Variants in BTG4 observed in about 807,000 individuals in gnomAD.
BTG4 encodes protein BTG4.
A neutral mutation model predicts 19.3 loss-of-function variants in BTG4; 10 were observed. That is an observed-to-expected ratio of 0.52 (90% CI 0.32 to 0.88). The LOEUF (loss-of-function observed/expected upper bound fraction) is 0.88. Among genes scored for constraint, BTG4 ranks in the 40% least tolerant of loss-of-function variants. The probability of loss-of-function intolerance (pLI) is 0.04; values close to 1 mark genes in which losing one functional copy is unlikely to be tolerated. For missense variants in BTG4, 238 were observed against 281.9 expected, an observed-to-expected ratio of 0.84 and a Z score of 1.11; for synonymous variants, 91 against 95.7, an observed-to-expected ratio of 0.95 and a Z score of 0.29.
the BTG4 span, chr11:111,457,524 C>T: frequency 0.043 from 6,643 of 152,748 alleles, 202 homozygotes; most frequent in Middle Eastern, 0.12. Flanking sequence ...ACTCCACCCA[C>T]GACCCTCTTT....
At chr11:111,486,348 T>C (rs982974479) in intron 5 of BTG4, among the ~76,000 whole-genome samples, 1 of 152,054 alleles carries the variant, frequency 6.6e-6, no homozygotes. Context: ...GGCAGGAGGA[T>C]TGCTTGAGCC....
At chr11:111,488,648 G>T (rs1204508414) in intron 5 of BTG4, among the ~76,000 whole-genome samples, 3 of 136,112 alleles carry the variant, frequency 2.2e-5, no homozygotes, top group African/African-American at 8.3e-5. Flanking sequence ...AATCAACAAA[G>T]TGAAGAGACA....
chr11:111,453,727 GTGGTAC>G, the BTG4 span: 1 of 358,546 alleles, frequency 2.8e-6, no homozygotes, highest in South Asian at 2.1e-5. Flanking sequence ...TCTTTTCTGA[GTGGTAC>G]TGTATGTCAT....
the BTG4 span, among the ~76,000 whole-genome samples, chr11:111,424,819 G>C: frequency 6.6e-6 from 1 of 152,144 alleles, no homozygotes; most frequent in Non-Finnish European, 1.5e-5. Context: ...TTAGCCAGGC[G>C]TGGTGGCAGG....
chr11:111,469,143 G>C lies in BTG4; in HGVS notation c.663-1462C>G, dbSNP rs188357427. ...ATAAACCCTGAGAAAGAAACGGGCG[G>C]TGGGAATGTTCCCAGGGGCGGACAT... On this transcript the variant is annotated intron_variant, in intron 5 of 5. Transcript: ENST00000356018. 3.3e-5 allele frequency: 5 copies of C among 152,368 alleles called. No homozygotes were observed. The East Asian group carries it at 9.6e-4, about 29-fold the overall frequency. The allele number at this position is 152,368 out of a possible 1,614,324, so 9.4% of individuals were successfully genotyped here.
the BTG4 span, among the ~76,000 whole-genome samples, chr11:111,447,682 A>G: frequency 1.3e-5 from 2 of 152,210 alleles, no homozygotes; most frequent in African/African-American, 4.8e-5. Flanking sequence ...CCGGAGAGGA[A>G]GGTTCCCGGA....
chr11:111,458,326 G>C, the BTG4 span: 80 of 152,510 alleles, frequency 5.2e-4, no homozygotes, highest in African/African-American at 1.9e-3. Context: ...CAGGGACAGG[G>C]CTGCAGCCCT....
Position 111,489,378 on chromosome 11 carries a change from T to C in BTG4, c.662+5785A>G, listed in dbSNP as rs532309509. 5.3e-5 allele frequency among the ~76,000 whole-genome samples: 8 copies of C among 152,232 alleles called. No homozygotes were observed. The East Asian group carries it at 1.5e-3, about 29-fold the overall frequency. On this transcript the variant is annotated intron_variant, in intron 5 of 5. Transcript: ENST00000356018. ...CCACTATGGAGAACAGTATGGAGGTTCCTCAAAAAACTACAAATAGAACTA... is the reference window on the plus strand; with the variant it reads ...CCACTATGGAGAACAGTATGGAGGTCCCTCAAAAAACTACAAATAGAACTA...
At chr11:111,427,730 G>C in the BTG4 span, among the ~76,000 whole-genome samples, 2 of 152,144 alleles carry the variant, frequency 1.3e-5, no homozygotes, top group Non-Finnish European at 2.9e-5. Context: ...CAAAACCAAT[G>C]CCACCCAGAA....
At chr11:111,497,934 T>C (rs1865836701) in intron 3 of BTG4, 64 bp downstream of exon 3, 1 of 1,555,012 alleles carries the variant, frequency 6.4e-7, no homozygotes, top group African/African-American at 1.4e-5. Flanking sequence ...CATGAAGGTA[T>C]GTAAAGTTGT....
upstream of BTG4, among the ~76,000 whole-genome samples, chr11:111,513,235 C>T (rs1048722948): frequency 2.0e-5 from 3 of 152,210 alleles, no homozygotes; most frequent in African/African-American, 7.2e-5. Flanking sequence ...AGTCTCATGC[C>T]AGGAAAGCAA....
chr11:111,462,466 C>G, the BTG4 span: 2 of 152,506 alleles, frequency 1.3e-5, no homozygotes, highest in South Asian at 4.1e-4. Flanking sequence ...CAGATCCCCA[C>G]AGCAGAAATC....
chr11:111,470,183 C>T lies in BTG4; in HGVS notation c.663-2502G>A, dbSNP rs1346067306. The stretch of plus-strand genomic sequence containing the variant: ...CCATTACAGCTGACTGCAGCCTTGA[C>T]CTGCTGAGCTTAAGCGATCCTCCCA... On this transcript the variant is annotated intron_variant, in intron 5 of 5. Coordinates refer to the BTG4 transcript ENST00000356018. Among the ~76,000 whole-genome samples the T allele has an allele frequency of 2.6e-5, 4 of 152,118 alleles. No homozygotes were observed. The South Asian group carries it at 8.3e-4, about 32-fold the overall frequency.
At chr11:111,471,355 A>G (rs1388855806) in intron 5 of BTG4, among the ~76,000 whole-genome samples, 1 of 152,194 alleles carries the variant, frequency 6.6e-6, no homozygotes, top group Non-Finnish European at 1.5e-5. Context: ...GGGTTTGATA[A>G]TGATGTCGGT....
the BTG4 span, among the ~76,000 whole-genome samples, chr11:111,395,005 T>A: frequency 6.6e-5 from 10 of 152,192 alleles, no homozygotes; most frequent in Non-Finnish European, 1.0e-4. Context: ...GCTCAGGGAA[T>A]CTGGCTCCTG....
At chr11:111,412,289 A>G in the BTG4 span, among the ~76,000 whole-genome samples, 2 of 152,210 alleles carry the variant, frequency 1.3e-5, no homozygotes, top group South Asian at 2.1e-4. Flanking sequence ...GACAAATTCT[A>G]TTTCATTTCA....
At chr11:111,485,365 A>G (rs550631816) in intron 5 of BTG4, among the ~76,000 whole-genome samples, 1 of 152,310 alleles carries the variant, frequency 6.6e-6, no homozygotes, top group African/African-American at 2.4e-5. Flanking sequence ...CCACAAAACA[A>G]GTCTCAAAAA....
the BTG4 span, chr11:111,417,482 G>A: frequency 6.6e-6 from 1 of 152,046 alleles, no homozygotes; most frequent in Non-Finnish European, 1.5e-5. Flanking sequence ...CTTCTCACAA[G>A]TGGGCTCTTT....
the BTG4 span, chr11:111,397,188 C>T: frequency 6.6e-6 from 1 of 152,176 alleles, no homozygotes; most frequent in African/African-American, 2.4e-5. Flanking sequence ...ATTCCTCCCC[C>T]AATCCACTTT....
Sources: allele counts gnomAD v4.1 joint callset (sites outside exome capture counted in the v4.1 genomes callset), GRCh38; gene constraint gnomAD v4.1.1; transcripts MANE v1.5; gene names NCBI Gene and HGNC (gene_info 2026-07-23, HGNC 2026-07-21).